Variants in SORL1 observed in about 807,000 individuals in gnomAD.
The protein encoded by SORL1 is sortilin-related receptor.
In SORL1, 127 loss-of-function variants were observed where a neutral mutation model predicts 273.7. That is an observed-to-expected ratio of 0.46 (90% CI 0.40 to 0.54). SORL1 has a LOEUF of 0.54. Ranked by LOEUF, SORL1 falls within the 20% of genes least tolerant of loss-of-function variation. The pLI is 0.00. For synonymous variants in SORL1, 1,031 were observed against 1,067.4 expected (o/e 0.97, Z 0.66); for missense variants, 2,494 against 2,846.1 (o/e 0.88, Z 2.81).
intron 44 of SORL1, 68 bp from the exon 45 acceptor site, chr11:121,622,094 A>T: frequency 1.1e-6 from 1 of 903,800 alleles, no homozygotes; most frequent in African/African-American, 1.7e-5. Context: ...TCTCTCTTTG[A>T]TAGACAAGAA....
chr11:121,526,876 G>A (rs2134864709), intron 11 of SORL1, among the ~76,000 whole-genome samples: 1 of 152,206 alleles, frequency 6.6e-6, no homozygotes, highest in Non-Finnish European at 1.5e-5. Flanking sequence ...AAGAGTGACA[G>A]TTTTATTTCT....
At chr11:121,501,065 A>G (rs937393565) in intron 6 of SORL1, among the ~76,000 whole-genome samples, 1 of 152,206 alleles carries the variant, frequency 6.6e-6, no homozygotes, top group Non-Finnish European at 1.5e-5. Context: ...ACTGACCCAA[A>G]CCAAACTACT....
intron 6 of SORL1, among the ~76,000 whole-genome samples, chr11:121,508,361 A>T (rs2134838088): frequency 6.6e-6 from 1 of 152,096 alleles, no homozygotes; most frequent in Middle Eastern, 3.4e-3. Context: ...CTTCTTCCCC[A>T]TTTTTTCCTT....
rs769523876 is a variant in SORL1 at position 121,619,822 on chromosome 11, AG to A, written c.5796del (p.Arg1932SerfsTer42). Reference sequence around the variant, plus strand: ...TGTAGTGAAGATGATCCCGGACAGCAGGCTTCCACCCCGTCACCTGCATGTG... The same window carrying A: ...TGTAGTGAAGATGATCCCGGACAGCAGCTTCCACCCCGTCACCTGCATGTG... ...YVVVKMIPDS[R>X]LPPRHLHVVH... On this transcript the variant is annotated frameshift_variant, in exon 43 of 48. Transcript: ENST00000260197. LOFTEE classifies it high-confidence loss of function. 1 of 1,614,128 alleles carries A rather than the reference AG, an allele frequency of 6.2e-7. No individual in the cohort carries two copies.
intron 30 of SORL1, chr11:121,590,377 G>T (rs1310138377): frequency 3.6e-6 from 2 of 552,058 alleles, no homozygotes; most frequent in African/African-American, 3.8e-5. Flanking sequence ...TATTTATTCC[G>T]TATTTGCAGG....
chr11:121,543,474 G>A, intron 12 of SORL1, 74 bp from the exon 13 acceptor site: 1 of 1,258,248 alleles, frequency 7.9e-7, no homozygotes, highest in East Asian at 2.4e-5. Context: ...TGTTCCTGGT[G>A]AATGTTATAT....
At chr11:121,466,657 G>A (rs1312903831) in intron 1 of SORL1, among the ~76,000 whole-genome samples, 5 of 152,168 alleles carry the variant, frequency 3.3e-5, no homozygotes. Flanking sequence ...CAGCCTGCCT[G>A]CTGGCTCCCC....
intron 25 of SORL1, among the ~76,000 whole-genome samples, chr11:121,580,965 T>C (rs1256525498): frequency 6.7e-6 from 1 of 148,544 alleles, no homozygotes; most frequent in African/African-American, 2.5e-5. Context: ...CAGGCTAGAG[T>C]ACAGTGGTGC....
chr11:121,563,218 G>A lies in SORL1; in HGVS notation c.3049+3561G>A, dbSNP rs555510049. Among the ~76,000 whole-genome samples the A allele has an allele frequency of 6.6e-6, 1 of 152,140 alleles. No individual in the cohort carries two copies. The highest frequency in any genetic ancestry group is 1.5e-5 in the Non-Finnish European group (1 of 68,036). ...AGCCTGAACTTCGATAAAACCACCCGGCTCTGCTCCCTCTGTCATGTGTTG... is the reference window on the plus strand; with the variant it reads ...AGCCTGAACTTCGATAAAACCACCCAGCTCTGCTCCCTCTGTCATGTGTTG... On this transcript the variant is annotated intron_variant, in intron 21 of 47. Coordinates refer to ENST00000260197, the MANE Select transcript of SORL1 (RefSeq NM_003105.6). This position sits in a 1 kb window ranked among gnomAD's most constrained non-coding sequence, Gnocchi z 4.2.
At chr11:121,585,599 A>G (rs943271966) in intron 26 of SORL1, among the ~76,000 whole-genome samples, 1 of 152,090 alleles carries the variant, frequency 6.6e-6, no homozygotes, top group Non-Finnish European at 1.5e-5. Context: ...TCTCAGGTGT[A>G]GGTTGATCTC....
intron 8 of SORL1, among the ~76,000 whole-genome samples, chr11:121,517,806 T>A (rs1861977913): frequency 1.3e-5 from 2 of 152,236 alleles, no homozygotes; most frequent in Admixed American, 1.3e-4. Context: ...CTAGAGAGGT[T>A]CCATTATACT....
At chr11:121,544,067 ACTGT>A (rs1473855795) in intron 13 of SORL1, among the ~76,000 whole-genome samples, 16 of 152,172 alleles carry the variant, frequency 1.1e-4, no homozygotes, top group African/African-American at 3.9e-4. Flanking sequence ...AGTGTGCCTG[ACTGT>A]CTGTAAGTCA....
chr11:121,580,200 A>G (rs1307998432), intron 25 of SORL1, among the ~76,000 whole-genome samples: 1 of 152,214 alleles, frequency 6.6e-6, no homozygotes, highest in Non-Finnish European at 1.5e-5. Context: ...AGTTACAGCT[A>G]CTAACTCTTC....
chr11:121,590,323 T>C (rs970854621), intron 30 of SORL1, 149 bp downstream of exon 30: 47 of 722,854 alleles, frequency 6.5e-5, no homozygotes, highest in Non-Finnish European at 1.0e-4. Flanking sequence ...TGTTCCTCTT[T>C]CTCATTTTGA....
intron 8 of SORL1, 63 bp from the exon 9 acceptor site, chr11:121,520,594 T>C: frequency 8.4e-7 from 1 of 1,186,786 alleles, no homozygotes; most frequent in Non-Finnish European, 1.2e-6. Flanking sequence ...TCAAATTTTA[T>C]GTTATTTACA....
At chr11:121,616,029 C>T (rs1168692474) in intron 41 of SORL1, among the ~76,000 whole-genome samples, 4 of 152,184 alleles carry the variant, frequency 2.6e-5, no homozygotes, top group Admixed American at 2.0e-4. Context: ...CAGCACCTGA[C>T]GCTGAGGCAG....
rs1028784739 is a variant in SORL1 at position 121,523,928 on chromosome 11, C to G, written c.1596+939C>G. 3.9e-5 allele frequency among the ~76,000 whole-genome samples: 6 copies of G among 152,306 alleles called. No homozygotes were observed. In the East Asian group the frequency reaches 1.2e-3, roughly 29 times the overall value. On this transcript the variant is annotated intron_variant, in intron 11 of 47. Transcript: ENST00000260197. ...ATATTTGAATAGGTAATATGTAAAG[C>G]AGTAATAAAAATACCAACATTCATT...
chr11:121,480,478 T>C (rs1466550838), intron 3 of SORL1, among the ~76,000 whole-genome samples: 1 of 152,082 alleles, frequency 6.6e-6, no homozygotes, highest in East Asian at 1.9e-4. Context: ...GAGCTCACTC[T>C]TGCGGAGGTT....
intron 8 of SORL1, among the ~76,000 whole-genome samples, chr11:121,516,183 G>A (rs1373325340): frequency 6.6e-6 from 1 of 152,188 alleles, no homozygotes; most frequent in African/African-American, 2.4e-5. Context: ...TACTGTAGGG[G>A]ACAAAGGTGG....
Sources: allele counts gnomAD v4.1 joint callset (sites outside exome capture counted in the v4.1 genomes callset), GRCh38; gene constraint gnomAD v4.1.1; non-coding constraint Gnocchi (gnomAD v3.1); transcripts MANE v1.5; gene names NCBI Gene and HGNC (gene_info 2026-07-23, HGNC 2026-07-21).